ARHGAP5: variants seen among roughly 807,000 people sequenced by gnomAD.
The protein encoded by ARHGAP5 is Rho GTPase activating protein 5, also known as rho GTPase-activating protein 5.
In ARHGAP5, 23 loss-of-function variants were observed where a neutral mutation model predicts 116.6. The ratio of observed to expected loss-of-function variants is 0.20; its 90% CI spans 0.14 to 0.28. The LOEUF is 0.28. Ranked by LOEUF, ARHGAP5 falls within the 10% of genes least tolerant of loss-of-function variation. The pLI is 1.00. For missense variants in ARHGAP5, 1,405 were observed against 1,774.8 expected (o/e 0.79, Z 3.74); for synonymous variants, 574 against 602.0 (o/e 0.95, Z 0.68).
At chr14:32,095,368 T>C (rs544934031) in intron 2 of ARHGAP5, among the ~76,000 whole-genome samples, 1 of 152,100 alleles carries the variant, frequency 6.6e-6, no homozygotes, top group East Asian at 1.9e-4. Context: ...TTTTTGTCGT[T>C]AGCAAATTTT....
chr14:32,125,622 T>G (rs965802604), intron 3 of ARHGAP5, among the ~76,000 whole-genome samples: 1 of 152,266 alleles, frequency 6.6e-6, no homozygotes, highest in Non-Finnish European at 1.5e-5. Flanking sequence ...AATTTCTCCA[T>G]GTTGTTGCCA....
intron 1 of ARHGAP5, among the ~76,000 whole-genome samples, chr14:32,080,528 T>C (rs1264693921): frequency 1.3e-5 from 2 of 152,050 alleles, no homozygotes; most frequent in Non-Finnish European, 2.9e-5. Context: ...TGATTCGTTA[T>C]TCATTAGTTC....
At position 32,092,431 on chromosome 14, in the gene ARHGAP5, C is replaced by T; in HGVS notation, c.1762C>T (p.His588Tyr). ...GGATCATGGCCGCTTAAGATTATAT[C>T]ACGATAGTACCAATATAGATAAAGT... ...QLDHGRLRLYHDSTNIDKVNL... is the reference protein window; with the variant it reads ...QLDHGRLRLYYDSTNIDKVNL... The change falls in exon 2 of 7, where the codon CAC (histidine) becomes TAC (tyrosine). Residue 588 changes from histidine (H) to tyrosine (Y), a missense_variant. Physicochemically the swap from His to Tyr is moderately conservative, Grantham distance 83. Coordinates refer to ENST00000345122, the MANE Select transcript of ARHGAP5 (RefSeq NM_001030055.2). The surrounding 1 kb of genome is among the most constrained non-coding windows in gnomAD (Gnocchi z 4.1). 6.2e-7 allele frequency: 1 copy of T among 1,613,594 alleles called. No individual in the cohort carries two copies.
At chr14:32,117,986 C>T (rs1879690015) in intron 3 of ARHGAP5, among the ~76,000 whole-genome samples, 1 of 150,268 alleles carries the variant, frequency 6.7e-6, no homozygotes, top group African/African-American at 2.5e-5. Context: ...ATGTACTACA[C>T]ATTTTAATGG....
At position 32,095,397 on chromosome 14, in the gene ARHGAP5, CTTTGTTTTTTTTTTT is replaced by C. The variant is rs1234398398; in HGVS notation, c.3717+1029_3717+1043del. ...AAATTTTCTGGAAAAGGCATGTAAA[CTTTGTTTTTTTTTTT>C]TTTGTTTTTTTTTTTTTGAGATGGA... On this transcript the variant is annotated intron_variant, in intron 2 of 6. Coordinates refer to ENST00000345122, the MANE Select transcript of ARHGAP5 (RefSeq NM_001030055.2). Among the ~76,000 whole-genome samples, 220 of 140,976 alleles carry C rather than the reference CTTTGTTTTTTTTTTT, an allele frequency of 1.6e-3. 2 individuals are homozygous for C. Among genetic ancestry groups the C allele is most frequent in the African/African-American group, 5.4e-3 (205 of 38,142 alleles). The allele number at this position is 140,976 out of a possible 152,430, so 92.5% of individuals were successfully genotyped here.
In ARHGAP5 at chr14:32,093,204, T is replaced by G. The variant is rs768235714; in HGVS notation, c.2535T>G (p.Asp845Glu). Residue 845 changes from aspartate (D) to glutamate (E), a missense_variant, in exon 2 of 7, where the codon GAT becomes GAG. This residue lies in a region of ARHGAP5 where 944 missense variants were observed against 1,095.3 expected (regional missense o/e 0.86). Transcript: ENST00000345122. ...ACTCTTCAATTGGAGTAAGAAAAGATGAACTAGTTCATGGGTATATATTAG... is the reference window on the plus strand; with the variant it reads ...ACTCTTCAATTGGAGTAAGAAAAGAGGAACTAGTTCATGGGTATATATTAG... ...SYHSSIGVRKDELVHGYILVY... is the reference protein window; with the variant it reads ...SYHSSIGVRKEELVHGYILVY... The G allele has an allele frequency of 1.6e-5, 26 of 1,613,940 alleles. No homozygotes were observed. The Middle Eastern group carries it at 6.6e-4, about 41-fold the overall frequency.
At chr14:32,081,785 G>C (rs1182675935) in intron 1 of ARHGAP5, among the ~76,000 whole-genome samples, 1 of 152,048 alleles carries the variant, frequency 6.6e-6, no homozygotes, top group Admixed American at 6.5e-5. Context: ...TCTTTCTGTT[G>C]ATCATGTTCT....
intron 1 of ARHGAP5, among the ~76,000 whole-genome samples, chr14:32,086,798 C>T (rs1274200553): frequency 6.6e-6 from 1 of 151,420 alleles, no homozygotes; most frequent in African/African-American, 2.4e-5. Flanking sequence ...TGTTTTGACA[C>T]AATTTTAATT....
At chr14:32,096,837 T>C (rs571264582) in intron 2 of ARHGAP5, among the ~76,000 whole-genome samples, 2 of 152,326 alleles carry the variant, frequency 1.3e-5, no homozygotes, top group East Asian at 3.9e-4. Context: ...CAGACAAGAA[T>C]GGCTTAAAAA....
intron 3 of ARHGAP5, among the ~76,000 whole-genome samples, chr14:32,140,869 C>T (rs534705305): frequency 6.6e-6 from 1 of 152,236 alleles, no homozygotes; most frequent in South Asian, 2.1e-4. Context: ...CTCTGTTTTC[C>T]TTGGTGATCT....
intron 3 of ARHGAP5, among the ~76,000 whole-genome samples, chr14:32,125,965 C>T (rs1476959611): frequency 1.3e-5 from 2 of 151,794 alleles, no homozygotes; most frequent in African/African-American, 4.8e-5. Context: ...GATCTTGTAT[C>T]CTGAAATTTT....
Position 32,091,201 on chromosome 14 carries a change from A to T in ARHGAP5, c.532A>T (p.Lys178Ter). Residue 178 changes from lysine to a stop codon, truncating the protein, a stop_gained, in exon 2 of 7, where the codon AAA (lysine) becomes TAA (stop). Transcript: ENST00000345122. LOFTEE classifies it high-confidence loss of function. ...CAATAGGAAGTTTGATGATCAACTT[A>T]AATTTGTGAATAACCTTTTTGTCCA... ...GCNRKFDDQL[K>*]FVNNLFVQLS... The T allele has an allele frequency of 6.2e-7, 1 of 1,613,410 alleles. No individual in the cohort carries two copies. The highest frequency in any genetic ancestry group is 8.5e-7 in the Non-Finnish European group (1 of 1,179,608).
chr14:32,105,472 C>T (rs1459744237), intron 2 of ARHGAP5, among the ~76,000 whole-genome samples: 1 of 151,116 alleles, frequency 6.6e-6, no homozygotes, highest in Non-Finnish European at 1.5e-5. Flanking sequence ...GATTCATATG[C>T]TATTGTTTTT....
At position 32,110,328 on chromosome 14, in the gene ARHGAP5, C is replaced by CT. The variant is rs559613072; in HGVS notation, c.3718-6800dup. Reference sequence around the variant, plus strand: ...AAAGACAGCAGTAGGATTGCTTTTGCTTTTTTTTTTTTAAGAGATGGGATC... The same window carrying CT: ...AAAGACAGCAGTAGGATTGCTTTTGCTTTTTTTTTTTTTAAGAGATGGGATC... On this transcript the variant is annotated intron_variant, in intron 2 of 6. Coordinates refer to ENST00000345122, the MANE Select transcript of ARHGAP5 (RefSeq NM_001030055.2). 2.3e-3 allele frequency among the ~76,000 whole-genome samples: 331 copies of CT among 141,424 alleles called. 4 individuals carry two copies. Among genetic ancestry groups the CT allele is most frequent in the Admixed American group, 0.013 (182 of 14,052 alleles). 92.8% of individuals were successfully genotyped at this position (141,424 alleles called of 152,430 possible). A position where few individuals can be genotyped will look rare whatever the true frequency, so the allele number is the denominator to read the frequency against.
At chr14:32,126,520 C>A (rs961354530) in intron 3 of ARHGAP5, among the ~76,000 whole-genome samples, 1 of 152,186 alleles carries the variant, frequency 6.6e-6, no homozygotes, top group African/African-American at 2.4e-5. Flanking sequence ...ATAATGACCA[C>A]ATCTTACCTT....
intron 3 of ARHGAP5, among the ~76,000 whole-genome samples, chr14:32,128,014 C>T (rs1245446268): frequency 3.4e-5 from 5 of 148,512 alleles, no homozygotes; most frequent in African/African-American, 5.0e-5. Context: ...GACGGGGTGG[C>T]GGCCGGGTAG....
At chr14:32,146,478 A>G in intron 4 of ARHGAP5, 138 bp downstream of exon 4, 1 of 633,020 alleles carries the variant, frequency 1.6e-6, no homozygotes, top group Non-Finnish European at 2.8e-6. Context: ...AAGTGAGATT[A>G]GAAGCACTAA....
At chr14:32,132,053 A>G (rs146112192) in intron 3 of ARHGAP5, among the ~76,000 whole-genome samples, 8,075 of 152,262 alleles carry the variant, frequency 0.053, 338 homozygotes, top group Non-Finnish European at 0.08. Context: ...ATACAGGTGC[A>G]TGTGTCTTTA....
chr14:32,129,064 C>G (rs1024174363), intron 3 of ARHGAP5, among the ~76,000 whole-genome samples: 35 of 152,278 alleles, frequency 2.3e-4, no homozygotes, highest in African/African-American at 8.2e-4. Context: ...CCTCCTGCTG[C>G]TGTGTATCTC....
Sources: allele counts gnomAD v4.1 joint callset (sites outside exome capture counted in the v4.1 genomes callset), GRCh38; gene constraint gnomAD v4.1.1; regional missense constraint gnomAD v4.1.1; non-coding constraint Gnocchi (gnomAD v3.1); transcripts MANE v1.5; gene names NCBI Gene and HGNC (gene_info 2026-07-23, HGNC 2026-07-21).